DENND2B: variants seen among roughly 807,000 people sequenced by gnomAD.
DENND2B encodes the protein DENN domain-containing protein 2B.
A neutral mutation model predicts 116.0 loss-of-function variants in DENND2B; 32 were observed. The observed-to-expected ratio is 0.28, with a 90% CI of 0.21 to 0.37. DENND2B has a LOEUF of 0.37. DENND2B is among the 10% of genes least tolerant of loss of function. DENND2B has a pLI of 1.00. For synonymous variants in DENND2B, 588 were observed against 583.9 expected, an observed-to-expected ratio of 1.01 and a Z score of -0.10; for missense variants, 1,276 against 1,477.7, an observed-to-expected ratio of 0.86 and a Z score of 2.24.
chr11:8,863,257 C>CTTTTT (rs56359289), intron 2 of DENND2B, among the ~76,000 whole-genome samples: 2 of 124,520 alleles, frequency 1.6e-5, no homozygotes, highest in African/African-American at 2.8e-5. Context: ...ACGCCACTTT[C>CTTTTT]TTTTTTTTTT....
intron 4 of DENND2B, among the ~76,000 whole-genome samples, chr11:8,838,604 C>G (rs182738544): frequency 6.6e-6 from 1 of 152,138 alleles, no homozygotes. Context: ...AGGCACAGCA[C>G]AGAGGGAAAT....
At chr11:8,741,336 A>G (rs2050168690) in intron 2 of DENND2B, among the ~76,000 whole-genome samples, 1 of 152,182 alleles carries the variant, frequency 6.6e-6, no homozygotes. Context: ...TCCGGGAGGG[A>G]ATGATGAACT....
chr11:8,820,989 G>GC (rs907704548), intron 4 of DENND2B, among the ~76,000 whole-genome samples: 2 of 151,938 alleles, frequency 1.3e-5, no homozygotes, highest in African/African-American at 4.8e-5. Context: ...AGGCATGATG[G>GC]CGCATGCCTT....
At chr11:8,783,714 A>G (rs10500705) in intron 1 of DENND2B, among the ~76,000 whole-genome samples, 41,162 of 152,130 alleles carry the variant, frequency 0.27, 6,277 homozygotes, top group Middle Eastern at 0.42. Context: ...CGCAAAAAGA[A>G]AATAAGGACA....
intron 4 of DENND2B, among the ~76,000 whole-genome samples, chr11:8,821,429 A>AT (rs1328724743): frequency 2.5e-5 from 2 of 79,920 alleles, no homozygotes; most frequent in South Asian, 3.9e-4. Flanking sequence ...TCTACCAAAA[A>AT]TAAAAAAAAA....
intron 1 of DENND2B, among the ~76,000 whole-genome samples, chr11:8,887,171 C>A (rs1325172094): frequency 6.6e-6 from 1 of 152,138 alleles, no homozygotes; most frequent in Non-Finnish European, 1.5e-5. Context: ...TTTGCAGCAG[C>A]TCTTAATATT....
rs764936675 is a variant in DENND2B at position 8,699,291 on chromosome 11, G to A, written c.2820C>T (p.Ile940=). Residue 940 remains isoleucine (I), a synonymous_variant, in exon 15 of 20, where the codon ATC becomes ATT. Coordinates refer to ENST00000313726, the MANE Select transcript of DENND2B (RefSeq NM_213618.2). ...IPVLPASMID[I]VCCPTPFLVG... is the part of the protein sequence containing the mutation. ...CCAGGAAGGGGGTGGGACAGCAGACGATGTCAATCATGGAGGCCGGGAGGA... is the reference window on the plus strand; with the variant it reads ...CCAGGAAGGGGGTGGGACAGCAGACAATGTCAATCATGGAGGCCGGGAGGA... The A allele has an allele frequency of 6.9e-6, 11 of 1,604,306 alleles. No homozygotes were observed. The highest frequency in any genetic ancestry group is 3.3e-5 in the South Asian group (3 of 89,902).
chr11:8,778,179 C>T (rs753802592), intron 1 of DENND2B, among the ~76,000 whole-genome samples: 2 of 152,208 alleles, frequency 1.3e-5, no homozygotes, highest in Non-Finnish European at 2.9e-5. Flanking sequence ...ACCATTGGCC[C>T]TTGGATCACC....
chr11:8,699,678 T>C (rs962696216), intron 14 of DENND2B, among the ~76,000 whole-genome samples: 1 of 152,072 alleles, frequency 6.6e-6, no homozygotes, highest in Non-Finnish European at 1.5e-5. Context: ...GTCTCGGGTT[T>C]GGGGGGCACA....
In DENND2B at chr11:8,781,628, AC is replaced by A. The variant is rs1306573487; in HGVS notation, c.-26+28888del. ...ACAATTTAGGAATACACACACACAC[AC>A]ACACACACACACATAACCTCACAAG... On this transcript the variant is annotated intron_variant, in intron 1 of 19. Coordinates refer to ENST00000313726, the MANE Select transcript of DENND2B (RefSeq NM_213618.2). Among the ~76,000 whole-genome samples the A allele has an allele frequency of 2.6e-5, 4 of 152,200 alleles. No individual in the cohort carries two copies. In the South Asian group the frequency reaches 6.2e-4, roughly 24 times the overall value.
At chr11:8,722,033 G>A (rs1447194635) in intron 4 of DENND2B, among the ~76,000 whole-genome samples, 1 of 152,248 alleles carries the variant, frequency 6.6e-6, no homozygotes, top group East Asian at 1.9e-4. Flanking sequence ...ATAAGGCCTG[G>A]TAGAATAGCA....
intron 13 of DENND2B, among the ~76,000 whole-genome samples, chr11:8,706,225 C>A (rs1315069593): frequency 1.3e-5 from 2 of 152,108 alleles, no homozygotes; most frequent in Non-Finnish European, 2.9e-5. Context: ...AGCACCACTG[C>A]ACAATATGGG....
At chr11:8,901,291 G>A (rs560776893) in intron 1 of DENND2B, among the ~76,000 whole-genome samples, 2 of 135,748 alleles carry the variant, frequency 1.5e-5, no homozygotes, top group East Asian at 4.8e-4. Flanking sequence ...GTGCAGTGGT[G>A]CAATCTCAGC....
chr11:8,741,215 T>C (rs1440278460), intron 2 of DENND2B, among the ~76,000 whole-genome samples: 6 of 152,188 alleles, frequency 3.9e-5, no homozygotes, highest in Admixed American at 3.3e-4. Flanking sequence ...ACAGCATAAA[T>C]TGAGTTGCCT....
chr11:8,694,213 C>T (rs938816683), intron 19 of DENND2B, 83 bp from the exon 20 acceptor site: 2 of 1,515,150 alleles, frequency 1.3e-6, no homozygotes, highest in Non-Finnish European at 1.8e-6. Context: ...AGCCCTAACC[C>T]TGTCAGTGGG....
intron 3 of DENND2B, among the ~76,000 whole-genome samples, chr11:8,728,037 T>C (rs1478397483): frequency 6.6e-6 from 1 of 150,992 alleles, no homozygotes; most frequent in African/African-American, 2.4e-5. Flanking sequence ...CAAGGTCTTG[T>C]GCTGTTGCCC....
chr11:8,764,806 G>A (rs1012939903), intron 1 of DENND2B, among the ~76,000 whole-genome samples: 1 of 151,920 alleles, frequency 6.6e-6, no homozygotes, highest in African/African-American at 2.4e-5. Flanking sequence ...TTAGCTGGGC[G>A]TTGTGGTGGG....
At chr11:8,900,253 G>A (rs924795078) in intron 1 of DENND2B, among the ~76,000 whole-genome samples, 17 of 148,748 alleles carry the variant, frequency 1.1e-4, no homozygotes, top group Admixed American at 2.0e-4. Context: ...GTGAAACCCC[G>A]TCTCTACTAA....
chr11:8,824,851 C>CAA (rs1395677150), intron 4 of DENND2B, among the ~76,000 whole-genome samples: 4 of 52,950 alleles, frequency 7.6e-5, no homozygotes, highest in Admixed American at 3.2e-4. Flanking sequence ...CCACACCCAG[C>CAA]TATTTTTTTT....
Sources: gnomAD v4.1 joint callset for allele counts (sites outside exome capture counted in the v4.1 genomes callset) on GRCh38, gnomAD v4.1.1 for gene constraint, MANE v1.5 for transcripts, NCBI Gene and HGNC (gene_info 2026-07-23, HGNC 2026-07-21) for gene names.